Variants in CA12 observed in about 807,000 individuals in gnomAD.
CA12 encodes the protein carbonate dehydratase XII.
In CA12, 36 loss-of-function variants were observed where a neutral mutation model predicts 46.8. The observed-to-expected ratio is 0.77, with a 90% CI of 0.59 to 1.02. The LOEUF (loss-of-function observed/expected upper bound fraction) is 1.02, where lower values mean the gene tolerates loss of function less well. Ranked by LOEUF, CA12 falls within the 50% of genes least tolerant of loss-of-function variation. CA12 has a pLI of 0.00. For synonymous variants in CA12, 202 were observed against 187.0 expected, an observed-to-expected ratio of 1.08 and a Z score of -0.65; for missense variants, 436 against 451.4, an observed-to-expected ratio of 0.97 and a Z score of 0.31.
In CA12 at chr15:63,381,722, T is replaced by C. The variant is rs750590791; in HGVS notation, c.-2A>G. ...CGCGTGCAGGCTGCGCCGGGGCATCTTCGCGGGCTCCTGCGGGGCGGGCGC... is the reference window on the plus strand; with the variant it reads ...CGCGTGCAGGCTGCGCCGGGGCATCCTCGCGGGCTCCTGCGGGGCGGGCGC... On this transcript the variant is annotated 5_prime_UTR_variant, in exon 1 of 11. Transcript: ENST00000178638. 4.4e-6 allele frequency: 7 copies of C among 1,591,482 alleles called. No individual in the cohort carries two copies. The highest frequency in any genetic ancestry group is 6.0e-6 in the Non-Finnish European group (7 of 1,169,230).
At position 63,340,779 on chromosome 15, in the gene CA12, C is replaced by T; in HGVS notation, c.530G>A (p.Gly177Asp). The part of the protein sequence containing the change: ...LAVLAVLIEM[G>D]SFNPSYDKIF... ...CTTGTCATAGGACGGATTGAAGGAG[C>T]CCATCTGCAACAGAGACAGGGCAGG... The change falls in exon 6 of 11, where the codon GGC (glycine) becomes GAC (aspartate). Residue 177 changes from glycine (G) to aspartate (D), a missense_variant. By Grantham distance (94) the Gly-to-Asp change is moderately conservative. Coordinates refer to ENST00000178638, the MANE Select transcript of CA12 (RefSeq NM_001218.5). This position sits in a 1 kb window ranked among gnomAD's most constrained non-coding sequence, Gnocchi z 4.4. 1.2e-6 allele frequency: 2 copies of T among 1,614,030 alleles called. No homozygotes were observed. Among genetic ancestry groups the T allele is most frequent in the South Asian group, 1.1e-5 (1 of 91,088 alleles).
At chr15:63,370,391 C>T (rs993171845) in intron 2 of CA12, among the ~76,000 whole-genome samples, 2 of 147,564 alleles carry the variant, frequency 1.4e-5, no homozygotes, top group African/African-American at 5.0e-5. Flanking sequence ...GAGGCTGCAG[C>T]GAGCAGTGAT....
chr15:63,375,589 G>T, intron 2 of CA12, 69 bp downstream of exon 2: 2 of 1,056,642 alleles, frequency 1.9e-6, no homozygotes, highest in Non-Finnish European at 2.9e-6. Context: ...TGAAGTTTCT[G>T]TTTTTCTCAT....
intron 8 of CA12, among the ~76,000 whole-genome samples, chr15:63,336,278 C>T (rs534834918): frequency 6.6e-5 from 10 of 152,180 alleles, no homozygotes; most frequent in Non-Finnish European, 1.5e-4. Context: ...AACCTGCCTA[C>T]GCTGCCCCAC....
At chr15:63,380,321 G>A (rs780479436) in intron 1 of CA12, among the ~76,000 whole-genome samples, 5 of 152,020 alleles carry the variant, frequency 3.3e-5, no homozygotes, top group Non-Finnish European at 5.9e-5. Flanking sequence ...GGGGAGGGAG[G>A]GAAGAGAACA....
At chr15:63,366,548 C>T (rs2039437350) in intron 2 of CA12, among the ~76,000 whole-genome samples, 1 of 152,194 alleles carries the variant, frequency 6.6e-6, no homozygotes, top group African/African-American at 2.4e-5. Flanking sequence ...TTCCTGAGTA[C>T]CAATACTTAT....
intron 8 of CA12, among the ~76,000 whole-genome samples, chr15:63,338,367 C>T (rs1417825266): frequency 2.0e-5 from 3 of 152,150 alleles, no homozygotes; most frequent in African/African-American, 4.8e-5. Context: ...AACATTCTTG[C>T]TCATTTGGTG....
intron 2 of CA12, among the ~76,000 whole-genome samples, chr15:63,369,620 T>C (rs757246793): frequency 6.6e-6 from 1 of 152,236 alleles, no homozygotes; most frequent in Non-Finnish European, 1.5e-5. Context: ...GTGATGCTAA[T>C]GCTGCTGGCC....
intron 2 of CA12, among the ~76,000 whole-genome samples, chr15:63,362,625 T>A (rs1595788761): frequency 6.6e-6 from 1 of 152,312 alleles, no homozygotes; most frequent in East Asian, 1.9e-4. Flanking sequence ...CTTCCTGAAG[T>A]TCCCCAGGAT....
intron 1 of CA12, 50 bp downstream of exon 1, chr15:63,381,586 G>T: frequency 1.4e-6 from 2 of 1,472,540 alleles, no homozygotes; most frequent in African/African-American, 1.4e-5. Flanking sequence ...TCAGCCCAGG[G>T]GCGGCTGAGC....
chr15:63,340,178 A>C lies in CA12; in HGVS notation c.747+110T>G. ...CCTGTGATATTTGGAGAGGTTTTGAAGAGCTGCCAATGAAACTAAATGAGG... is the reference window on the plus strand; with the variant it reads ...CCTGTGATATTTGGAGAGGTTTTGACGAGCTGCCAATGAAACTAAATGAGG... On this transcript the variant is annotated intron_variant, in intron 7 of 10. Coordinates refer to ENST00000178638, the MANE Select transcript of CA12 (RefSeq NM_001218.5). The surrounding 1 kb of genome is among the most constrained non-coding windows in gnomAD (Gnocchi z 4.4). 6 of 1,270,240 alleles carry C rather than the reference A, an allele frequency of 4.7e-6. No individual in the cohort carries two copies. Among genetic ancestry groups the C allele is most frequent in the Non-Finnish European group, 6.8e-6 (6 of 885,162 alleles). 78.7% of individuals were successfully genotyped at this position (1,270,240 alleles called of 1,614,324 possible).
intron 1 of CA12, among the ~76,000 whole-genome samples, chr15:63,380,815 G>A (rs1245048338): frequency 8.6e-5 from 13 of 152,040 alleles, no homozygotes; most frequent in Admixed American, 8.5e-4. Flanking sequence ...AATCACTTTC[G>A]GTCCAAAATC....
rs999827116 is a variant in CA12 at position 63,330,764 on chromosome 15, G to A, written c.875-2634C>T. Among the ~76,000 whole-genome samples the A allele has an allele frequency of 2.0e-5, 3 of 152,194 alleles. No homozygotes were observed. The highest frequency in any genetic ancestry group is 2.9e-5 in the Non-Finnish European group (2 of 68,030). On this transcript the variant is annotated intron_variant, in intron 8 of 10. Transcript: ENST00000178638. The surrounding 1 kb of genome is among the most constrained non-coding windows in gnomAD (Gnocchi z 4.0). ...GTCTGGCTTCCCCCGGTTATTACGCGGGGTTCCTGTTGGAGGTCCTGTAAG... is the reference window on the plus strand; with the variant it reads ...GTCTGGCTTCCCCCGGTTATTACGCAGGGTTCCTGTTGGAGGTCCTGTAAG...
rs569522889 is a variant in CA12 at position 63,342,058 on chromosome 15, C to T, written c.469G>A (p.Ala157Thr). 3.8e-5 allele frequency: 61 copies of T among 1,613,982 alleles called. No individual in the cohort carries two copies. The Middle Eastern group carries it at 4.9e-4, about 13-fold the overall frequency. ...TCTGACTTGTTGCTGGCAGTGCTGG[C>T]GTCAGGATAAAGGTCTGAGTTATAA... The part of the protein sequence containing the change: ...VHYNSDLYPD[A>T]STASNKSEGL... Residue 157 changes from alanine to threonine, a missense_variant, in exon 5 of 11, where the codon GCC becomes ACC. Ala to Thr is a moderately conservative substitution (Grantham distance 58). Transcript: ENST00000178638.
At position 63,355,932 on chromosome 15, in the gene CA12, G is replaced by C. The variant is rs570149576; in HGVS notation, c.107-9223C>G. Among the ~76,000 whole-genome samples, 3 of 152,256 alleles carry C rather than the reference G, an allele frequency of 2.0e-5. No individual in the cohort carries two copies. In the East Asian group the frequency reaches 5.8e-4, roughly 29 times the overall value. ...GGGCTCCAGGCTCAGGCAACGACTG[G>C]TAACCATCTCTGAACAGAAAGGACT... On this transcript the variant is annotated intron_variant, in intron 2 of 10. Transcript: ENST00000178638. The surrounding 1 kb of genome is among the most constrained non-coding windows in gnomAD (Gnocchi z 4.1).
At chr15:63,357,855 C>T (rs1488548606) in intron 2 of CA12, among the ~76,000 whole-genome samples, 1 of 152,210 alleles carries the variant, frequency 6.6e-6, no homozygotes, top group Non-Finnish European at 1.5e-5. Context: ...CGGGCAACCA[C>T]TAATCTGCTC....
chr15:63,357,585 C>A (rs1395453846), intron 2 of CA12, among the ~76,000 whole-genome samples: 1 of 152,164 alleles, frequency 6.6e-6, no homozygotes, highest in East Asian at 1.9e-4. Context: ...ACACTGAAGG[C>A]CTTGTGGTTC....
chr15:63,363,683 C>G (rs1211976821), intron 2 of CA12, among the ~76,000 whole-genome samples: 1 of 152,212 alleles, frequency 6.6e-6, no homozygotes, highest in Non-Finnish European at 1.5e-5. Context: ...AAGCCAACAC[C>G]TGATTATTAA....
rs1034040745 is a variant in CA12, at chr15:63,340,231, G to A, written c.747+57C>T. The A allele has an allele frequency of 3.1e-5, 49 of 1,582,740 alleles. No homozygotes were observed. The African/African-American group carries it at 5.4e-4, about 17-fold the overall frequency. On this transcript the variant is annotated intron_variant, in intron 7 of 10. Coordinates refer to ENST00000178638, the MANE Select transcript of CA12 (RefSeq NM_001218.5). The surrounding 1 kb of genome is among the most constrained non-coding windows in gnomAD (Gnocchi z 4.4). The stretch of plus-strand genomic sequence containing the variant: ...ATCAAGTCATTGATTGTGATATGGA[G>A]GATGATGGGGACTGAGGTGCCGCGT...
Sources: allele counts gnomAD v4.1 joint callset (sites outside exome capture counted in the v4.1 genomes callset), GRCh38; gene constraint gnomAD v4.1.1; non-coding constraint Gnocchi (gnomAD v3.1); transcripts MANE v1.5; gene names NCBI Gene and HGNC (gene_info 2026-07-23, HGNC 2026-07-21).